The following KAZN variants were observed in gnomAD, a reference collection of about 807,000 sequenced individuals.
KAZN encodes the protein kazrin.
In KAZN, 40 loss-of-function variants were observed where a neutral mutation model predicts 87.4. The ratio of observed to expected loss-of-function variants is 0.46; its 90% CI spans 0.36 to 0.60. KAZN has a LOEUF of 0.60. Ranked by LOEUF, KAZN falls within the 20% of genes least tolerant of loss-of-function variation. KAZN has a pLI of 0.00. For missense variants in KAZN, 898 were observed against 1,073.9 expected (o/e 0.84, Z 2.29); for synonymous variants, 466 against 458.3 (o/e 1.02, Z -0.22).
intron 1 of KAZN, among the ~76,000 whole-genome samples, chr1:14,814,050 T>C (rs532401952): frequency 6.6e-6 from 1 of 152,304 alleles, no homozygotes; most frequent in African/African-American, 2.4e-5. Flanking sequence ...CCTCTGTCAA[T>C]GGGTGATGCC....
At chr1:14,647,372 T>C (rs1039954810) in intron 1 of KAZN, among the ~76,000 whole-genome samples, 6 of 152,206 alleles carry the variant, frequency 3.9e-5, no homozygotes, top group African/African-American at 1.4e-4. Context: ...GGATAAAGAT[T>C]GTGGAGTAGT....
chr1:14,466,768 A>G lies in KAZN; in HGVS notation c.250-132215A>G, dbSNP rs1027800389. 5.9e-5 allele frequency among the ~76,000 whole-genome samples: 9 copies of G among 152,094 alleles called. No homozygotes were observed. The South Asian group carries it at 1.0e-3, about 17-fold the overall frequency. On this transcript the variant is annotated intron_variant, in intron 2 of 16. Transcript: ENST00000636203. Reference sequence around the variant, plus strand: ...CAGATCACGAAGTCAGGAGATGGAGACCATCCTGGCTAACACGGTGAAACC... The same window carrying G: ...CAGATCACGAAGTCAGGAGATGGAGGCCATCCTGGCTAACACGGTGAAACC...
chr1:14,708,590 A>G (rs1369125920), intron 1 of KAZN, among the ~76,000 whole-genome samples: 4 of 152,214 alleles, frequency 2.6e-5, no homozygotes, highest in Non-Finnish European at 5.9e-5. Flanking sequence ...CTTTGGACAG[A>G]GCTACACAAA....
rs563216024 is a variant in KAZN at position 14,047,046 on chromosome 1, C to T, written c.92-133389C>T. ...CACTTTATTTATTCCTTTGTCTGTC[C>T]ACCCATCTGTCCATCTGTGCATTCG... On this transcript the variant is annotated intron_variant, in intron 1 of 16. Transcript: ENST00000636203. Among the ~76,000 whole-genome samples the T allele has an allele frequency of 2.6e-4, 39 of 152,298 alleles. No homozygotes were observed. The East Asian group carries it at 2.9e-3, about 11-fold the overall frequency.
chr1:14,794,733 C>T (rs1408434286), intron 1 of KAZN, among the ~76,000 whole-genome samples: 2 of 152,136 alleles, frequency 1.3e-5, no homozygotes, highest in Non-Finnish European at 2.9e-5. Flanking sequence ...TGAGTGTCAA[C>T]TTGATTTGAT....
intron 1 of KAZN, among the ~76,000 whole-genome samples, chr1:13,902,106 C>T (rs571832525): frequency 6.6e-6 from 1 of 152,348 alleles, no homozygotes; most frequent in African/African-American, 2.4e-5. Flanking sequence ...GCTCTCTGCC[C>T]TTGATGGTGG....
intron 1 of KAZN, among the ~76,000 whole-genome samples, chr1:14,956,974 A>C (rs1663188985): frequency 6.6e-6 from 1 of 151,758 alleles, no homozygotes; most frequent in South Asian, 2.1e-4. Context: ...CTCCTTCCCC[A>C]GTCGCATCCT....
intron 2 of KAZN, among the ~76,000 whole-genome samples, chr1:14,340,873 G>C (rs1012401038): frequency 7.6e-6 from 1 of 132,334 alleles, no homozygotes; most frequent in Non-Finnish European, 1.6e-5. Context: ...ATCTCCGTAA[G>C]GGTCATGATT....
At chr1:14,857,250 C>T (rs1295692564) in intron 1 of KAZN, among the ~76,000 whole-genome samples, 4 of 152,160 alleles carry the variant, frequency 2.6e-5, no homozygotes, top group African/African-American at 9.7e-5. Context: ...GCTGGCCAGG[C>T]GTGGTGGCTC....
At chr1:14,340,759 G>T (rs777075439) in intron 2 of KAZN, among the ~76,000 whole-genome samples, 1 of 152,098 alleles carries the variant, frequency 6.6e-6, no homozygotes, top group Non-Finnish European at 1.5e-5. Context: ...TCCCTGATCT[G>T]TAAGTGTGTC....
At chr1:14,801,676 T>G (rs1475149250) in intron 1 of KAZN, among the ~76,000 whole-genome samples, 1 of 146,600 alleles carries the variant, frequency 6.8e-6, no homozygotes, top group African/African-American at 2.5e-5. Context: ...GTTTTTTTTG[T>G]TTTTTTTGTT....
At chr1:14,877,273 A>G (rs1307005075) in intron 1 of KAZN, among the ~76,000 whole-genome samples, 1 of 152,232 alleles carries the variant, frequency 6.6e-6, no homozygotes, top group African/African-American at 2.4e-5. Flanking sequence ...TGGCTGGGGA[A>G]GATGACCTCA....
At chr1:15,036,192 A>T (rs978807726) in intron 3 of KAZN, among the ~76,000 whole-genome samples, 2 of 111,928 alleles carry the variant, frequency 1.8e-5, no homozygotes, top group South Asian at 5.4e-4. Flanking sequence ...ACTCGAGAGC[A>T]GGGCCCGGCT....
chr1:14,337,150 T>C (rs1030124780), intron 2 of KAZN, among the ~76,000 whole-genome samples: 5 of 152,176 alleles, frequency 3.3e-5, no homozygotes, highest in Non-Finnish European at 7.3e-5. Context: ...TAGCACAGAG[T>C]AAATGCCTGG....
At chr1:14,558,423 G>C (rs1674047398) in intron 2 of KAZN, among the ~76,000 whole-genome samples, 1 of 152,180 alleles carries the variant, frequency 6.6e-6, no homozygotes, top group Non-Finnish European at 1.5e-5. Flanking sequence ...TTACCTCCAA[G>C]ATGCTTAGCA....
chr1:13,905,870 C>T (rs563356924), intron 1 of KAZN, among the ~76,000 whole-genome samples: 8 of 152,216 alleles, frequency 5.3e-5, no homozygotes, highest in South Asian at 2.1e-4. Flanking sequence ...AACATATTAT[C>T]TCATTGTTCC....
At chr1:14,146,690 A>T (rs960149233) in intron 1 of KAZN, among the ~76,000 whole-genome samples, 7 of 139,040 alleles carry the variant, frequency 5.0e-5, no homozygotes, top group African/African-American at 1.7e-4. Context: ...GTCAAAACTC[A>T]TTTTGATCAT....
intron 2 of KAZN, among the ~76,000 whole-genome samples, chr1:14,234,430 G>A (rs529669206): frequency 6.6e-6 from 1 of 152,236 alleles, no homozygotes; most frequent in East Asian, 1.9e-4. Flanking sequence ...GGGTGGGATA[G>A]CATTAGGAGA....
At chr1:14,294,688 G>C (rs1653982291) in intron 2 of KAZN, among the ~76,000 whole-genome samples, 2 of 144,440 alleles carry the variant, frequency 1.4e-5, no homozygotes, top group African/African-American at 5.0e-5. Context: ...AACTGCCCAG[G>C]CTCAGGTTTT....
Sources: allele counts gnomAD v4.1 joint callset (sites outside exome capture counted in the v4.1 genomes callset), GRCh38; gene constraint gnomAD v4.1.1; transcripts MANE v1.5; gene names NCBI Gene and HGNC (gene_info 2026-07-23, HGNC 2026-07-21).